Variants in DIPK1A observed in about 807,000 individuals in gnomAD.
The protein encoded by DIPK1A is family with sequence similarity 69 member A.
Under a neutral mutation model 40.8 loss-of-function variants are expected in DIPK1A, and 27 were observed. The observed-to-expected ratio is 0.66, with a 90% CI of 0.49 to 0.91. DIPK1A has a LOEUF of 0.91. Among genes scored for constraint, DIPK1A ranks in the 40% least tolerant of loss-of-function variants. DIPK1A has a pLI of 0.00. For synonymous variants in DIPK1A, 166 were observed against 171.3 expected, an observed-to-expected ratio of 0.97 and a Z score of 0.24; for missense variants, 412 against 505.7, an observed-to-expected ratio of 0.81 and a Z score of 1.78.
chr1:92,855,952 C>T (rs1321385933), intron 2 of DIPK1A, among the ~76,000 whole-genome samples: 1 of 151,948 alleles, frequency 6.6e-6, no homozygotes, highest in Non-Finnish European at 1.5e-5. Flanking sequence ...TGGATGCACA[C>T]CTGTGTCCTA....
intron 1 of DIPK1A, among the ~76,000 whole-genome samples, chr1:92,928,575 TTA>T (rs1650611881): frequency 1.3e-5 from 2 of 152,246 alleles, no homozygotes; most frequent in Admixed American, 1.3e-4. Flanking sequence ...TTACCATTTC[TTA>T]TATTACAGGT....
At chr1:92,917,777 G>A (rs1268092675) in intron 1 of DIPK1A, among the ~76,000 whole-genome samples, 2 of 152,190 alleles carry the variant, frequency 1.3e-5, no homozygotes, top group Admixed American at 6.5e-5. Context: ...GGAGCAAGGA[G>A]AAGGTTTGGG....
At chr1:92,838,523 T>C (rs1168379502), downstream of DIPK1A, among the ~76,000 whole-genome samples, 1 of 152,250 alleles carries the variant, frequency 6.6e-6, no homozygotes, top group Non-Finnish European at 1.5e-5. Flanking sequence ...AATGCTTTCC[T>C]GTATATGTGC....
downstream of DIPK1A, chr1:92,840,388 G>A (rs1480970224): frequency 1.6e-6 from 1 of 625,880 alleles, no homozygotes; most frequent in Non-Finnish European, 2.8e-6. Context: ...GAATTTGTTA[G>A]GAAAAGGTGA....
rs1293489205 is a variant in DIPK1A at position 92,877,461 on chromosome 1, A to G, written c.55-1031T>C. Reference sequence around the variant, plus strand: ...GATATTGTGAGCATTGTGAGCATGCAAAGAAGCAGAAAGAGATGAGAGAGA... The same window carrying G: ...GATATTGTGAGCATTGTGAGCATGCGAAGAAGCAGAAAGAGATGAGAGAGA... On this transcript the variant is annotated intron_variant, in intron 1 of 4. Coordinates refer to ENST00000370310, the MANE Select transcript of DIPK1A (RefSeq NM_001006605.5). 2.0e-5 allele frequency among the ~76,000 whole-genome samples: 3 copies of G among 152,248 alleles called. No individual in the cohort carries two copies. In the East Asian group the frequency reaches 5.8e-4, roughly 29 times the overall value.
At position 92,916,713 on chromosome 1, in the gene DIPK1A, T is replaced by C. The variant is rs140403055; in HGVS notation, c.55-40283A>G. On this transcript the variant is annotated intron_variant, in intron 1 of 4. Coordinates refer to ENST00000370310, the MANE Select transcript of DIPK1A (RefSeq NM_001006605.5). ...CCCCAGGAGGCCATTCCAGTATCAT[T>C]TACCCTGATAATGTTCATTTTTATA... 5.8e-4 allele frequency among the ~76,000 whole-genome samples: 88 copies of C among 152,328 alleles called. No individual in the cohort carries two copies. The East Asian group carries it at 0.016, about 28-fold the overall frequency.
intron 1 of DIPK1A, among the ~76,000 whole-genome samples, chr1:92,949,717 T>C (rs1340426606): frequency 6.6e-6 from 1 of 152,188 alleles, no homozygotes; most frequent in African/African-American, 2.4e-5. Flanking sequence ...AGAGGCTACC[T>C]TTAGGGAATA....
downstream of DIPK1A, chr1:92,837,553 C>T (rs770095159): frequency 3.8e-5 from 62 of 1,611,698 alleles, no homozygotes; most frequent in East Asian, 6.7e-5. Context: ...AGATTACATG[C>T]GCTACTTAAT....
chr1:92,877,725 A>G (rs2811594), intron 1 of DIPK1A, among the ~76,000 whole-genome samples: 99,235 of 152,006 alleles, frequency 0.65, 32,853 homozygotes, highest in East Asian at 0.95. Context: ...AAGTAAAAAG[A>G]AAGTTCAGAT....
At position 92,961,387 on chromosome 1, in the gene DIPK1A, A is replaced by C; in HGVS notation, c.43T>G (p.Tyr15Asp). ...LCPGAWLRKP[Y>D]YLQARFSYVR... is the part of the protein sequence containing the mutation. ...GGCCGCCGGCCTACCTGGAGGTAAT[A>C]GGGTTTCCTTAGCCAGGCCCCCGGA... is the stretch of plus-strand genomic sequence containing the variant. Residue 15 changes from tyrosine to aspartate, a missense_variant, in exon 1 of 5, where the codon TAT (tyrosine) becomes GAT (aspartate). Physicochemically the swap from Tyr to Asp is radical, Grantham distance 160. Coordinates refer to ENST00000370310, the MANE Select transcript of DIPK1A (RefSeq NM_001006605.5). The C allele has an allele frequency of 2.6e-6, 4 of 1,527,630 alleles. No individual in the cohort carries two copies. The highest frequency in any genetic ancestry group is 3.5e-6 in the Non-Finnish European group (4 of 1,134,814). The allele number at this position is 1,527,630 out of a possible 1,614,324, so 94.6% of individuals were successfully genotyped here.
At chr1:92,936,616 C>T (rs11587920) in intron 1 of DIPK1A, among the ~76,000 whole-genome samples, 46,537 of 147,028 alleles carry the variant, frequency 0.32, 7,782 homozygotes, top group Non-Finnish European at 0.37. Context: ...GCAACAAGAG[C>T]GAAACTCCGT....
Position 92,843,309 on chromosome 1 carries a change from C to A in DIPK1A, c.*74G>T. The A allele has an allele frequency of 6.9e-7, 1 of 1,454,404 alleles. No individual in the cohort carries two copies. Among genetic ancestry groups the A allele is most frequent in the Non-Finnish European group, 9.0e-7 (1 of 1,105,100 alleles). 90.1% of individuals were successfully genotyped at this position (1,454,404 alleles called of 1,614,324 possible). On this transcript the variant is annotated 3_prime_UTR_variant, in exon 5 of 5. Coordinates refer to ENST00000370310, the MANE Select transcript of DIPK1A (RefSeq NM_001006605.5). ...TGTGTAACTGGCCGGAATTTGAAGC[C>A]ATTTTTTTTTAATGCTCAAAATTGT...
At chr1:92,835,850 C>A (rs1687103114) in intron 4 of DIPK1A, among the ~76,000 whole-genome samples, 1 of 152,160 alleles carries the variant, frequency 6.6e-6, no homozygotes, top group African/African-American at 2.4e-5. Context: ...GATGACAACC[C>A]ACTCATTGGT....
chr1:92,847,518 A>C (rs1184847466), intron 3 of DIPK1A, among the ~76,000 whole-genome samples, 159 bp from the exon 4 acceptor site: 1 of 152,204 alleles, frequency 6.6e-6, no homozygotes, highest in Non-Finnish European at 1.5e-5. Context: ...CAAACTTGAA[A>C]TCACACTCAA....
intron 1 of DIPK1A, among the ~76,000 whole-genome samples, chr1:92,903,001 A>G (rs1206637264): frequency 2.0e-5 from 3 of 152,142 alleles, no homozygotes; most frequent in Admixed American, 6.5e-5. Context: ...TTCTTAGGTC[A>G]AAGGGTATGC....
intron 1 of DIPK1A, among the ~76,000 whole-genome samples, chr1:92,927,705 A>G (rs1650575881): frequency 6.6e-6 from 1 of 152,224 alleles, no homozygotes; most frequent in Admixed American, 6.5e-5. Flanking sequence ...TGTAAATGAT[A>G]TAATACAATA....
At chr1:92,880,919 C>T (rs564449228) in intron 1 of DIPK1A, among the ~76,000 whole-genome samples, 64 of 150,320 alleles carry the variant, frequency 4.3e-4, no homozygotes, top group African/African-American at 1.5e-3. Context: ...TGGCGGGGCG[C>T]GGTGGCTCAC....
At chr1:92,918,750 G>A (rs1650153464) in intron 1 of DIPK1A, among the ~76,000 whole-genome samples, 1 of 152,138 alleles carries the variant, frequency 6.6e-6, no homozygotes, top group South Asian at 2.1e-4. Flanking sequence ...GGGTTTCGTG[G>A]AAGACGGTTT....
intron 1 of DIPK1A, among the ~76,000 whole-genome samples, chr1:92,952,978 AAT>A (rs879594633): frequency 6.6e-6 from 1 of 152,214 alleles, no homozygotes; most frequent in Non-Finnish European, 1.5e-5. Context: ...GAAGCTTGTT[AAT>A]ACATTAAAAT....
Sources: allele counts gnomAD v4.1 joint callset (sites outside exome capture counted in the v4.1 genomes callset), GRCh38; gene constraint gnomAD v4.1.1; transcripts MANE v1.5; gene names NCBI Gene and HGNC (gene_info 2026-07-23, HGNC 2026-07-21).